ERC2: variants seen among roughly 807,000 people sequenced by gnomAD.
ERC2 encodes the protein ELKS/RAB6-interacting/CAST family member 2.
A neutral mutation model predicts 114.8 loss-of-function variants in ERC2; 42 were observed. The ratio of observed to expected loss-of-function variants is 0.37; its 90% CI spans 0.29 to 0.47. The LOEUF is 0.47. Ranked by LOEUF, ERC2 falls within the 20% of genes least tolerant of loss-of-function variation. The pLI is 0.99. For synonymous variants in ERC2, 454 were observed against 425.5 expected, an observed-to-expected ratio of 1.07 and a Z score of -0.82; for missense variants, 939 against 1,150.7, an observed-to-expected ratio of 0.82 and a Z score of 2.66.
intron 2 of ERC2, among the ~76,000 whole-genome samples, chr3:56,353,036 G>T (rs2058609927): frequency 6.6e-6 from 1 of 152,074 alleles, no homozygotes. Context: ...CCTGCCTCAG[G>T]GCAGAGGATC....
intron 17 of ERC2, among the ~76,000 whole-genome samples, chr3:55,665,052 A>G (rs1205298959): frequency 6.6e-6 from 1 of 152,196 alleles, no homozygotes; most frequent in Non-Finnish European, 1.5e-5. Flanking sequence ...ATTCTTCTGC[A>G]GTCTGCAGAA....
intron 15 of ERC2, among the ~76,000 whole-genome samples, chr3:55,715,983 G>A (rs545831873): frequency 8.1e-4 from 124 of 152,218 alleles, no homozygotes; most frequent in African/African-American, 2.5e-3. Flanking sequence ...ATAAGAACAT[G>A]CCCTAGAAGG....
chr3:55,946,618 T>C (rs1288999746), intron 13 of ERC2, among the ~76,000 whole-genome samples: 1 of 152,152 alleles, frequency 6.6e-6, no homozygotes, highest in Non-Finnish European at 1.5e-5. Context: ...GAGGTAAAGA[T>C]TGTAATCCCC....
intron 2 of ERC2, among the ~76,000 whole-genome samples, chr3:56,346,562 T>C (rs1211903300): frequency 2.0e-5 from 3 of 152,210 alleles, no homozygotes; most frequent in African/African-American, 7.2e-5. Context: ...AAATCTTTTC[T>C]GGTGAATGAA....
intron 6 of ERC2, among the ~76,000 whole-genome samples, chr3:56,085,392 G>C (rs2077451358): frequency 6.6e-6 from 1 of 152,200 alleles, no homozygotes; most frequent in Non-Finnish European, 1.5e-5. Flanking sequence ...CATTACAAGA[G>C]AGAGTGGACA....
chr3:56,194,584 G>T (rs892875685), intron 3 of ERC2, among the ~76,000 whole-genome samples: 1 of 152,212 alleles, frequency 6.6e-6, no homozygotes, highest in Non-Finnish European at 1.5e-5. Flanking sequence ...GTGAGTGAAT[G>T]TGAAGGCCGA....
chr3:56,353,242 A>G (rs1378150347), intron 2 of ERC2, among the ~76,000 whole-genome samples: 1 of 152,090 alleles, frequency 6.6e-6, no homozygotes, highest in Non-Finnish European at 1.5e-5. Flanking sequence ...ATATAGATCT[A>G]CAACCCATCC....
At chr3:55,592,464 C>T (rs558389185) in intron 17 of ERC2, among the ~76,000 whole-genome samples, 94 of 152,230 alleles carry the variant, frequency 6.2e-4, no homozygotes, top group Non-Finnish European at 1.1e-3. Context: ...TCGATTTCTC[C>T]ATGCTGGTAG....
intron 3 of ERC2, among the ~76,000 whole-genome samples, chr3:56,243,443 G>C (rs191850149): frequency 6.6e-6 from 1 of 152,310 alleles, no homozygotes; most frequent in East Asian, 1.9e-4. Flanking sequence ...TGTTTCCTGT[G>C]TTCAGAGGTC....
At chr3:56,165,914 T>C (rs1250721301) in intron 4 of ERC2, among the ~76,000 whole-genome samples, 1 of 151,970 alleles carries the variant, frequency 6.6e-6, no homozygotes, top group Non-Finnish European at 1.5e-5. Flanking sequence ...ATACCTAGGA[T>C]GTCCATAGCA....
rs113632476 is a variant in ERC2 at position 55,778,208 on chromosome 3, G to A, written c.2565-43290C>T. ...TATATATGTAAATGCACACAAGATT[G>A]GAAAAATGCAGGTGTTCCTTAAATC... On this transcript the variant is annotated intron_variant, in intron 14 of 17. Transcript: ENST00000288221. 2.8e-3 allele frequency among the ~76,000 whole-genome samples: 431 copies of A among 152,256 alleles called. 2 individuals carry two copies. The highest frequency in any genetic ancestry group is 9.9e-3 in the African/African-American group (411 of 41,572).
intron 14 of ERC2, among the ~76,000 whole-genome samples, chr3:55,874,812 G>A (rs2062748417): frequency 6.6e-6 from 1 of 152,162 alleles, no homozygotes; most frequent in Non-Finnish European, 1.5e-5. Context: ...GTATCAGGCT[G>A]AAGGAGCAAA....
At chr3:56,005,386 A>T (rs1381821775) in intron 10 of ERC2, among the ~76,000 whole-genome samples, 2 of 152,058 alleles carry the variant, frequency 1.3e-5, no homozygotes, top group African/African-American at 4.8e-5. Flanking sequence ...AGGAAACCAC[A>T]CACTCTGAGT....
chr3:55,626,505 T>G (rs1471021463), intron 17 of ERC2, among the ~76,000 whole-genome samples: 1 of 152,232 alleles, frequency 6.6e-6, no homozygotes, highest in Non-Finnish European at 1.5e-5. Flanking sequence ...TCTTTACACA[T>G]GCAACTCATT....
chr3:56,076,165 C>T (rs193066411), intron 7 of ERC2, among the ~76,000 whole-genome samples: 1 of 152,244 alleles, frequency 6.6e-6, no homozygotes, highest in African/African-American at 2.4e-5. Flanking sequence ...CCAGAGAGAT[C>T]GCCATCTGTT....
chr3:55,871,897 T>G (rs568421742), intron 14 of ERC2, among the ~76,000 whole-genome samples: 1 of 152,324 alleles, frequency 6.6e-6, no homozygotes, highest in Admixed American at 6.5e-5. Context: ...TCATTAGAAT[T>G]CACCTCTACT....
Position 56,154,678 on chromosome 3 carries a change from C to T in ERC2, c.1150-5546G>A, listed in dbSNP as rs111512743. Among the ~76,000 whole-genome samples, 543 of 152,224 alleles carry T rather than the reference C, an allele frequency of 3.6e-3. 1 individual carries two copies. The highest frequency in any genetic ancestry group is 0.012 in the African/African-American group (513 of 41,556). On this transcript the variant is annotated intron_variant, in intron 4 of 17. Transcript: ENST00000288221. ...TAAATCTAAAGCAATCCAGACAGAC[C>T]GCACATGAAGATAAAACATCTGACC...
chr3:56,323,313 T>A (rs1450987908), intron 2 of ERC2, among the ~76,000 whole-genome samples: 1 of 152,166 alleles, frequency 6.6e-6, no homozygotes, highest in East Asian at 1.9e-4. Context: ...GAGGAAATAA[T>A]GCTTGGAGCT....
At position 55,845,767 on chromosome 3, in the gene ERC2, G is replaced by A. The variant is rs77362984; in HGVS notation, c.2564+42622C>T. ...ACCAGATTCAAGAAGCTACTTGCCTGTAAAGGCAAGACAATAACTCAGCTC... is the reference window on the plus strand; with the variant it reads ...ACCAGATTCAAGAAGCTACTTGCCTATAAAGGCAAGACAATAACTCAGCTC... On this transcript the variant is annotated intron_variant, in intron 14 of 17. Coordinates refer to ENST00000288221, the MANE Select transcript of ERC2 (RefSeq NM_015576.3). 5.0e-3 allele frequency among the ~76,000 whole-genome samples: 756 copies of A among 152,344 alleles called. 6 individuals carry two copies. The highest frequency in any genetic ancestry group is 0.017 in the African/African-American group (716 of 41,570).
Sources: allele counts gnomAD v4.1 joint callset (sites outside exome capture counted in the v4.1 genomes callset), GRCh38; gene constraint gnomAD v4.1.1; transcripts MANE v1.5; gene names NCBI Gene and HGNC (gene_info 2026-07-23, HGNC 2026-07-21).